TOR1B: variants seen among roughly 807,000 people sequenced by gnomAD.
TOR1B encodes torsin family 1 member B.
Under a neutral mutation model 29.2 loss-of-function variants are expected in TOR1B, and 14 were observed. The observed-to-expected ratio is 0.48, with a 90% CI of 0.32 to 0.75. The LOEUF (loss-of-function observed/expected upper bound fraction) is 0.75. Among genes scored for constraint, TOR1B ranks in the 30% least tolerant of loss-of-function variants. The probability of loss-of-function intolerance (pLI) is 0.04; values close to 1 mark genes in which losing one functional copy is unlikely to be tolerated. For missense variants in TOR1B, 400 were observed against 433.9 expected, an observed-to-expected ratio of 0.92 and a Z score of 0.69; for synonymous variants, 166 against 179.8, an observed-to-expected ratio of 0.92 and a Z score of 0.62.
chr9:129,804,000 G>C, intron 1 of TOR1B, 73 bp from the exon 2 acceptor site: 1 of 1,584,990 alleles, frequency 6.3e-7, no homozygotes, highest in Non-Finnish European at 8.6e-7. Flanking sequence ...GCTTTGGCCA[G>C]CTAAGAAAGT....
At chr9:129,806,097 G>A (rs1411862641) in intron 2 of TOR1B, among the ~76,000 whole-genome samples, 4 of 150,388 alleles carry the variant, frequency 2.7e-5, no homozygotes, top group Admixed American at 6.6e-5. Context: ...TTCCAGTCTG[G>A]GCGACAGAGT....
At position 129,809,988 on chromosome 9, in the gene TOR1B, C is replaced by A; in HGVS notation, c.*405C>A. On this transcript the variant is annotated 3_prime_UTR_variant, in exon 5 of 5. Transcript: ENST00000259339. ...AGCTGGAGATGAACTTTTAAAAATC[C>A]CCTTCACACTTAATGTACTGACCGA... is the stretch of plus-strand genomic sequence containing the variant. 1.7e-6 allele frequency: 2 copies of A among 1,177,164 alleles called. No homozygotes were observed. 72.9% of individuals were successfully genotyped at this position (1,177,164 alleles called of 1,614,324 possible). A position where few individuals can be genotyped will look rare whatever the true frequency, so the allele number is the denominator to read the frequency against.
At chr9:129,807,072 C>G (rs1158578805) in intron 2 of TOR1B, 116 bp from the exon 3 acceptor site, 1 of 959,972 alleles carries the variant, frequency 1.0e-6, no homozygotes, top group East Asian at 2.5e-5. Flanking sequence ...GGTGAGGGTG[C>G]CATTCTAAGA....
At position 129,809,951 on chromosome 9, in the gene TOR1B, G is replaced by A; in HGVS notation, c.*368G>A. 5 of 1,186,838 alleles carry A rather than the reference G, an allele frequency of 4.2e-6. No individual in the cohort carries two copies. The highest frequency in any genetic ancestry group is 5.3e-6 in the Non-Finnish European group (5 of 941,890). 73.5% of individuals were successfully genotyped at this position (1,186,838 alleles called of 1,614,324 possible). On this transcript the variant is annotated 3_prime_UTR_variant, in exon 5 of 5. Transcript: ENST00000259339. Reference sequence around the variant, plus strand: ...CATTTAGCAAGATGGCAGCAGTCCAGCTGTTCTTTGCAGCTGGAGATGAAC... The same window carrying A: ...CATTTAGCAAGATGGCAGCAGTCCAACTGTTCTTTGCAGCTGGAGATGAAC...
At position 129,808,543 on chromosome 9, in the gene TOR1B, C is replaced by CTTTT. The variant is rs763409733; in HGVS notation, c.642-342_642-339dup. On this transcript the variant is annotated intron_variant, in intron 3 of 4. Coordinates refer to ENST00000259339, the MANE Select transcript of TOR1B (RefSeq NM_014506.3). Reference sequence around the variant, plus strand: ...TCATTTCTTGGTAAGACACAGAAGTCTTTTTTTTTTTTTTTTTTTTTTTGA... The same window carrying CTTTT: ...TCATTTCTTGGTAAGACACAGAAGTCTTTTTTTTTTTTTTTTTTTTTTTTTTTGA... Among the ~76,000 whole-genome samples, 92 of 77,786 alleles carry CTTTT rather than the reference C, an allele frequency of 1.2e-3. 1 individual carries two copies. Among genetic ancestry groups the CTTTT allele is most frequent in the African/African-American group, 3.0e-3 (62 of 20,954 alleles). 51.0% of individuals were successfully genotyped at this position (77,786 alleles called of 152,430 possible).
chr9:129,810,308 C>G lies in TOR1B; in HGVS notation c.*725C>G, dbSNP rs1433240741. On this transcript the variant is annotated 3_prime_UTR_variant, in exon 5 of 5. Transcript: ENST00000259339. ...TCTGACCGGAGGATGTGGCCGTGCC[C>G]GCCGAGCACTCTTGATCTGAGCTGA... The G allele has an allele frequency of 7.7e-7, 1 of 1,298,778 alleles. No individual in the cohort carries two copies. The highest frequency in any genetic ancestry group is 2.3e-5 in the Admixed American group (1 of 42,712). The allele number at this position is 1,298,778 out of a possible 1,614,324, so 80.5% of individuals were successfully genotyped here. A position where few individuals can be genotyped will look rare whatever the true frequency, so the allele number is the denominator to read the frequency against.
chr9:129,804,433 G>A, intron 2 of TOR1B, 95 bp downstream of exon 2: 2 of 1,502,484 alleles, frequency 1.3e-6, no homozygotes, highest in Non-Finnish European at 1.8e-6. Flanking sequence ...TTTCCTTTGT[G>A]TTGCTGTAGC....
At position 129,809,733 on chromosome 9, in the gene TOR1B, C is replaced by T; in HGVS notation, c.*150C>T. The T allele has an allele frequency of 6.9e-7, 1 of 1,441,638 alleles. No homozygotes were observed. Among genetic ancestry groups the T allele is most frequent in the African/African-American group, 1.4e-5 (1 of 69,946 alleles). The allele number at this position is 1,441,638 out of a possible 1,614,324, so 89.3% of individuals were successfully genotyped here. ...GAATCTTTTTTTTGAGAAGAGGTCT[C>T]ACTCCGTCATCCAAGCTGGAGTGCA... On this transcript the variant is annotated 3_prime_UTR_variant, in exon 5 of 5. Coordinates refer to ENST00000259339, the MANE Select transcript of TOR1B (RefSeq NM_014506.3).
At chr9:129,809,150 A>G in intron 4 of TOR1B, 118 bp downstream of exon 4, 3 of 1,520,108 alleles carry the variant, frequency 2.0e-6, no homozygotes, top group Non-Finnish European at 2.6e-6. Flanking sequence ...TGCTAAAGTC[A>G]GGAATTTTCT....
In TOR1B at chr9:129,806,469, G is replaced by GCACT. The variant is rs1209716465; in HGVS notation, c.466-718_466-715dup. The stretch of plus-strand genomic sequence containing the variant: ...ATTGAGTCAGCTCTGTTGGTCTGGG[G>GCACT]CACTGTGTACTGTGCAGGTCTTGAT... On this transcript the variant is annotated intron_variant, in intron 2 of 4. Transcript: ENST00000259339. Among the ~76,000 whole-genome samples the GCACT allele has an allele frequency of 2.0e-5, 3 of 152,194 alleles. No homozygotes were observed. The East Asian group carries it at 5.8e-4, about 29-fold the overall frequency.
Position 129,807,337 on chromosome 9 carries a change from C to T in TOR1B, c.615C>T (p.Tyr205=), listed in dbSNP as rs752761000. ...ACGAGCAGGTTGACGGAGTGTCTTA[C>T]CGCAAAGCCATCTTCATCTTTCTCA... is the stretch of plus-strand genomic sequence containing the variant. ...DYYEQVDGVS[Y]RKAIFIFLSN... is the part of the protein sequence containing the mutation. Residue 205 remains tyrosine (Y), a synonymous_variant, in exon 3 of 5, where the codon TAC becomes TAT. Coordinates refer to ENST00000259339, the MANE Select transcript of TOR1B (RefSeq NM_014506.3). 1.9e-6 allele frequency: 3 copies of T among 1,614,024 alleles called. No individual in the cohort carries two copies. In the African/African-American group the frequency reaches 4.0e-5, roughly 22 times the overall value.
intron 3 of TOR1B, among the ~76,000 whole-genome samples, chr9:129,807,755 A>G (rs541378187): frequency 6.6e-6 from 1 of 151,828 alleles, no homozygotes; most frequent in South Asian, 2.1e-4. Context: ...CTGAGGCAAG[A>G]GAATGGCGTG....
intron 2 of TOR1B, among the ~76,000 whole-genome samples, chr9:129,805,310 C>T (rs370987798): frequency 8.9e-5 from 13 of 146,750 alleles, no homozygotes; most frequent in African/African-American, 2.7e-4. Flanking sequence ...CAAAATTAGC[C>T]GGGCGTGATG....
intron 3 of TOR1B, 148 bp from the exon 4 acceptor site, chr9:129,808,757 G>T: frequency 2.4e-6 from 2 of 837,116 alleles, no homozygotes; most frequent in Non-Finnish European, 3.7e-6. Flanking sequence ...ACTCTATGTT[G>T]GTCAGGCTGG....
At position 129,809,279 on chromosome 9, in the gene TOR1B, C is replaced by T. The variant is rs75089236; in HGVS notation, c.770-63C>T. ...CGGACATGAGGAATGTGCTGAGGGT[C>T]GGGACTGGAGCTTGGCCAGGTGGCG... On this transcript the variant is annotated intron_variant, in intron 4 of 4. Transcript: ENST00000259339. 452 of 1,606,424 alleles carry T rather than the reference C, an allele frequency of 2.8e-4. 2 individuals are homozygous for T. The East Asian group carries it at 8.0e-3, about 28-fold the overall frequency.
chr9:129,805,415 CTG>C (rs1180449403), intron 2 of TOR1B, among the ~76,000 whole-genome samples: 1 of 150,970 alleles, frequency 6.6e-6, no homozygotes, highest in Non-Finnish European at 1.5e-5. Flanking sequence ...GAATGAGACT[CTG>C]TCTCAAAAAA....
Position 129,810,109 on chromosome 9 carries a change from G to T in TOR1B, c.*526G>T, listed in dbSNP as rs1224155923. The T allele has an allele frequency of 1.5e-5, 20 of 1,292,060 alleles. No homozygotes were observed. Among genetic ancestry groups the T allele is most frequent in the Middle Eastern group, 2.3e-4 (1 of 4,380 alleles). 80.0% of individuals were successfully genotyped at this position (1,292,060 alleles called of 1,614,324 possible). On this transcript the variant is annotated 3_prime_UTR_variant, in exon 5 of 5. Transcript: ENST00000259339. ...TCAGAAGCTACGGTCACAACTAAAG[G>T]AGTCCAGGGACTTGCTGCAGGCTGG...
At chr9:129,808,362 C>T (rs934300944) in intron 3 of TOR1B, among the ~76,000 whole-genome samples, 6 of 151,444 alleles carry the variant, frequency 4.0e-5, no homozygotes, top group African/African-American at 7.3e-5. Flanking sequence ...GAAGGGGCGT[C>T]GTGGCAGGCG....
Position 129,804,387 on chromosome 9 carries a change from G to A in TOR1B, c.465+49G>A, listed in dbSNP as rs7029757. The A allele has an allele frequency of 0.086, 136,299 of 1,592,624 alleles. 6,361 individuals are homozygous for A. Among genetic ancestry groups the A allele is most frequent in the East Asian group, 0.15 (6,609 of 44,524 alleles). Reference sequence around the variant, plus strand: ...GTCTGCAGGCCAGTCGGACTGGTCCGGGTGACCTGCTCACTAACTCTGGCC... The same window carrying A: ...GTCTGCAGGCCAGTCGGACTGGTCCAGGTGACCTGCTCACTAACTCTGGCC... On this transcript the variant is annotated intron_variant, in intron 2 of 4. Coordinates refer to ENST00000259339, the MANE Select transcript of TOR1B (RefSeq NM_014506.3).
Sources: allele counts gnomAD v4.1 joint callset (sites outside exome capture counted in the v4.1 genomes callset), GRCh38; gene constraint gnomAD v4.1.1; transcripts MANE v1.5; gene names NCBI Gene and HGNC (gene_info 2026-07-23, HGNC 2026-07-21).